BTK: variants seen among roughly 807,000 people sequenced by gnomAD.
BTK encodes the protein tyrosine-protein kinase BTK.
Under a neutral mutation model 57.4 loss-of-function variants are expected in BTK, and 5 were observed. That is an observed-to-expected ratio of 0.09 (90% confidence interval 0.05 to 0.18). BTK has a LOEUF of 0.18. Among genes scored for constraint, BTK ranks in the 10% least tolerant of loss-of-function variants. BTK has a pLI of 1.00. For missense variants in BTK, 194 were observed against 501.2 expected (o/e 0.39, Z 5.85); for synonymous variants, 154 against 174.3 (o/e 0.88, Z 0.92).
At position 101,360,571 on chromosome X, in the gene BTK, T is replaced by G; in HGVS notation, c.773A>C (p.Asn258Thr). The G allele has an allele frequency of 8.3e-7, 1 of 1,211,519 alleles. No homozygotes were observed. Among genetic ancestry groups the G allele is most frequent in the Non-Finnish European group, 1.1e-6 (1 of 895,316 alleles). Reference sequence around the variant, plus strand: ...GGAAGGGCTGGTGTGGACTCACCCATTTTTATCTCGTGCTCTCCACCATGG... The same window carrying G: ...GGAAGGGCTGGTGTGGACTCACCCAGTTTTATCTCGTGCTCTCCACCATGG... ...NLPWWRARDK[N>T]GQEGYIPSNY... The change falls in exon 8 of 19, where the codon AAT becomes ACT. Residue 258 changes from asparagine to threonine, a missense_variant. Asn to Thr is a moderately conservative substitution (Grantham distance 65). Around this residue, in one of 3 missense-constraint regions of BTK, gnomAD observed 115 missense variants for 258.3 expected, o/e 0.45. Coordinates refer to ENST00000308731, the MANE Select transcript of BTK (RefSeq NM_000061.3).
Position 101,370,044 on chromosome X carries a change from G to A in BTK, c.345C>T (p.Ser115=), listed in dbSNP as rs782476406. 1.2e-4 allele frequency: 147 copies of A among 1,208,920 alleles called. No homozygotes were observed. In the South Asian group the frequency reaches 2.1e-3, roughly 17 times the overall value. ...VYDEGPLYVF[S]PTEELRKRWI... is the part of the protein sequence containing the mutation. ...ACCGCTTCCTTAGTTCTTCAGTTGG[G>A]GAGAAGACGTAGAGAGGCCCTTCAT... The change falls in exon 5 of 19, where the codon TCC becomes TCT. Residue 115 remains serine, a synonymous_variant. Transcript: ENST00000308731.
At chrX:101,367,179 G>A (rs112274856) in intron 5 of BTK, among the ~76,000 whole-genome samples, 1,396 of 108,427 alleles carry the variant, frequency 0.013, 25 homozygotes, top group African/African-American at 0.045. Context: ...AGGAGGCGGC[G>A]GTTGCAGTGA....
At position 101,352,500 on chromosome X, in the gene BTK, G is replaced by A. The variant is rs1926322892; in HGVS notation, c.1908+694C>T. Reference sequence around the variant, plus strand: ...GTGTGCAAGGCCTGGCGTGGTGGTTGATGCCTCTAATCCCAGCACTTTGGG... The same window carrying A: ...GTGTGCAAGGCCTGGCGTGGTGGTTAATGCCTCTAATCCCAGCACTTTGGG... On this transcript the variant is annotated intron_variant, in intron 18 of 18. Coordinates refer to ENST00000308731, the MANE Select transcript of BTK (RefSeq NM_000061.3). Among the ~76,000 whole-genome samples the A allele has an allele frequency of 2.7e-5, 3 of 111,766 alleles. No homozygotes were observed. In the South Asian group the frequency reaches 1.1e-3, roughly 41 times the overall value.
chrX:101,390,642 A>G, upstream of BTK: 1 of 494,990 alleles, frequency 2.0e-6, no homozygotes, highest in East Asian at 3.6e-5. Flanking sequence ...TTGAGGTGGA[A>G]CAGGAATGGA....
intron 1 of BTK, among the ~76,000 whole-genome samples, 175 bp from the exon 2 acceptor site, chrX:101,375,489 T>C (rs1214885924): frequency 8.9e-6 from 1 of 112,017 alleles, no homozygotes; most frequent in Non-Finnish European, 1.9e-5. Flanking sequence ...TCAGGTATAA[T>C]GGATGCACAC....
chrX:101,371,846 C>T (rs1301080092), intron 3 of BTK, 145 bp from the exon 4 acceptor site: 37 of 504,974 alleles, frequency 7.3e-5, no homozygotes, highest in Non-Finnish European at 1.8e-5. Flanking sequence ...TTCTATAGGC[C>T]AATAGGGACA....
chrX:101,349,974 G>A lies in BTK; in HGVS notation c.1909-18C>T, dbSNP rs782777227. On this transcript the variant is annotated intron_variant, in intron 18 of 18. Coordinates refer to ENST00000308731, the MANE Select transcript of BTK (RefSeq NM_000061.3). Reference sequence around the variant, plus strand: ...TCTGCTTTCTAAAACCAAAGAAAAAGTAAAGTGTTAGAGTGGCTAGAATCC... The same window carrying A: ...TCTGCTTTCTAAAACCAAAGAAAAAATAAAGTGTTAGAGTGGCTAGAATCC... The A allele has an allele frequency of 1.0e-5, 12 of 1,156,451 alleles. No homozygotes were observed. The highest frequency in any genetic ancestry group is 1.3e-5 in the Non-Finnish European group (11 of 848,398).
intron 8 of BTK, 27 bp downstream of exon 8, chrX:101,360,541 G>A (rs2147432395): frequency 1.7e-6 from 2 of 1,204,829 alleles, no homozygotes; most frequent in Non-Finnish European, 2.2e-6. Flanking sequence ...CAGGCACCAG[G>A]CTCAGGAAGG....
rs2238982 is a variant in BTK, at chrX:101,385,814, G to A, written c.-31+248C>T. Among the ~76,000 whole-genome samples the A allele has an allele frequency of 1.1e-3, 119 of 111,382 alleles. 2 individuals are homozygous for A. The East Asian group carries it at 0.032, about 30-fold the overall frequency. ...CTAACATTTGCTACCTGTTCGGATGGTCACCTCATGTCACATTTTTCTCTT... is the reference window on the plus strand; with the variant it reads ...CTAACATTTGCTACCTGTTCGGATGATCACCTCATGTCACATTTTTCTCTT... On this transcript the variant is annotated intron_variant, in intron 1 of 18. Coordinates refer to ENST00000308731, the MANE Select transcript of BTK (RefSeq NM_000061.3).
chrX:101,385,648 T>C (rs1215617567), intron 1 of BTK, among the ~76,000 whole-genome samples: 2 of 112,380 alleles, frequency 1.8e-5, no homozygotes, highest in Non-Finnish European at 3.8e-5. Context: ...ATCTGCCTCT[T>C]AGTATTTCTT....
rs375885718 is a variant in BTK at position 101,362,239 on chromosome X, G to A, written c.522C>T (p.Ser174=). The change falls in exon 7 of 19, where the codon AGC becomes AGT. Residue 174 remains serine, a splice_region_variant and synonymous_variant. Coordinates refer to ENST00000308731, the MANE Select transcript of BTK (RefSeq NM_000061.3). ...TCCGGTGAGAACTCCCAGGTTTTAA[G>A]CCTGCAAAACAAGAAGCCAGTGATG... is the stretch of plus-strand genomic sequence containing the variant. ...GCQILENRNG[S]LKPGSSHRKT... 11 of 1,210,093 alleles carry A rather than the reference G, an allele frequency of 9.1e-6. No individual in the cohort carries two copies. Among genetic ancestry groups the A allele is most frequent in the Middle Eastern group, 4.6e-4 (2 of 4,358 alleles).
chrX:101,356,951 T>C lies in BTK; in HGVS notation c.1182A>G (p.Ser394=), dbSNP rs1926505093. The C allele has an allele frequency of 1.7e-6, 2 of 1,210,169 alleles. No individual in the cohort carries two copies. Among genetic ancestry groups the C allele is most frequent in the African/African-American group, 1.7e-5 (1 of 57,357 alleles). Residue 394 remains serine, a synonymous_variant, in exon 14 of 19, where the codon TCA becomes TCG. Coordinates refer to ENST00000308731, the MANE Select transcript of BTK (RefSeq NM_000061.3). ...TCAGGTCCTTTGGATCAATTTCCCATGATCCTAACAATAAAGTCTTGGTGT... is the reference window on the plus strand; with the variant it reads ...TCAGGTCCTTTGGATCAATTTCCCACGATCCTAACAATAAAGTCTTGGTGT... The part of the protein sequence containing the change: ...APSTAGLGYG[S]WEIDPKDLTF...
chrX:101,358,973 G>A (rs1569292359), intron 10 of BTK, among the ~76,000 whole-genome samples: 1 of 110,779 alleles, frequency 9.0e-6, no homozygotes, highest in Non-Finnish European at 1.9e-5. Context: ...CCCCGTCTCT[G>A]CTAAAAATAC....
intron 15 of BTK, 80 bp downstream of exon 15, chrX:101,355,972 C>T (rs782173262): frequency 3.9e-6 from 4 of 1,020,867 alleles, no homozygotes; most frequent in Non-Finnish European, 5.5e-6. Context: ...CAGCCCCCCT[C>T]AACCATGTAT....
At position 101,356,229 on chromosome X, in the gene BTK, G is replaced by A. The variant is rs2147427526; in HGVS notation, c.1389C>T (p.Val463=). 1 of 1,211,617 alleles carries A rather than the reference G, an allele frequency of 8.3e-7. No homozygotes were observed. Among genetic ancestry groups the A allele is most frequent in the Non-Finnish European group, 1.1e-6 (1 of 895,456 alleles). The change falls in exon 15 of 19, where the codon GTC becomes GTT. Residue 463 remains valine, a synonymous_variant. Coordinates refer to ENST00000308731, the MANE Select transcript of BTK (RefSeq NM_000061.3). ...SHEKLVQLYG[V]CTKQRPIFII... ...TGAAGATGGGGCGCTGCTTGGTGCA[G>A]ACGCCATACAACTGCACCAGCTTCT...
At chrX:101,368,689 A>G (rs1435613070) in intron 5 of BTK, among the ~76,000 whole-genome samples, 2 of 112,601 alleles carry the variant, frequency 1.8e-5, no homozygotes, top group East Asian at 2.8e-4. Flanking sequence ...TTTTTAGGCC[A>G]AGGTTGTTGT....
chrX:101,374,482 T>C, intron 3 of BTK, 54 bp downstream of exon 3: 1 of 1,014,141 alleles, frequency 9.9e-7, no homozygotes, highest in Non-Finnish European at 1.4e-6. Flanking sequence ...ATTTAAATGT[T>C]GCAAATTTCT....
chrX:101,383,129 A>AT (rs1312462670), intron 1 of BTK, among the ~76,000 whole-genome samples: 11 of 111,507 alleles, frequency 9.9e-5, no homozygotes, highest in Admixed American at 1.9e-4. Flanking sequence ...TATTCCTTCC[A>AT]TTTTTTTCTG....
chrX:101,355,982 T>G, intron 15 of BTK, 70 bp downstream of exon 15: 25 of 1,041,217 alleles, frequency 2.4e-5, no homozygotes, highest in Non-Finnish European at 3.2e-5. Context: ...CAACCATGTA[T>G]GATATATCTT....
Sources: gnomAD v4.1 joint callset for allele counts (sites outside exome capture counted in the v4.1 genomes callset) on GRCh38, gnomAD v4.1.1 for gene constraint, gnomAD v4.1.1 regional missense constraint, MANE v1.5 for transcripts, NCBI Gene and HGNC (gene_info 2026-07-23, HGNC 2026-07-21) for gene names.